GALNT13: variants seen among roughly 807,000 people sequenced by gnomAD.
The protein encoded by GALNT13 is polypeptide N-acetylgalactosaminyltransferase 13, also known as UDP-GalNAc:polypeptide N-acetylgalactosaminyltransferase 13.
GALNT13 carries 28 observed loss-of-function variants against 64.2 expected under a neutral mutation model. The ratio of observed to expected loss-of-function variants is 0.44; its 90% CI spans 0.32 to 0.60. The LOEUF is 0.60. GALNT13 is among the 20% of genes least tolerant of loss of function. The pLI is 0.05. For missense variants in GALNT13, 577 were observed against 669.8 expected (o/e 0.86, Z 1.53); for synonymous variants, 214 against 224.6 (o/e 0.95, Z 0.42).
At chr2:154,424,544 A>G (rs545315562) in intron 11 of GALNT13, among the ~76,000 whole-genome samples, 1 of 152,072 alleles carries the variant, frequency 6.6e-6, no homozygotes, top group Non-Finnish European at 1.5e-5. Flanking sequence ...TCTTTTAACC[A>G]AAAGAGGCTG....
At chr2:154,138,440 A>T (rs1452515446) in intron 3 of GALNT13, among the ~76,000 whole-genome samples, 2 of 152,072 alleles carry the variant, frequency 1.3e-5, no homozygotes, top group Non-Finnish European at 2.9e-5. Flanking sequence ...AATTATTTTT[A>T]AAAATGTACC....
At chr2:153,646,325 A>G in the GALNT13 span, among the ~76,000 whole-genome samples, 1 of 151,890 alleles carries the variant, frequency 6.6e-6, no homozygotes, top group African/African-American at 2.4e-5. Flanking sequence ...CTTTGAAGAC[A>G]TCTGTATCTG....
chr2:153,722,888 G>C, the GALNT13 span, among the ~76,000 whole-genome samples: 4 of 150,932 alleles, frequency 2.7e-5, no homozygotes, highest in Non-Finnish European at 4.4e-5. Context: ...AGGAGGAAAT[G>C]GTACCATTCC....
chr2:153,777,053 G>T, the GALNT13 span, among the ~76,000 whole-genome samples: 1 of 151,954 alleles, frequency 6.6e-6, no homozygotes, highest in South Asian at 2.1e-4. Context: ...TGTTTGTTTT[G>T]TTTTGTTTTA....
chr2:154,248,753 A>G (rs1689917815), intron 7 of GALNT13, among the ~76,000 whole-genome samples: 1 of 152,178 alleles, frequency 6.6e-6, no homozygotes, highest in Non-Finnish European at 1.5e-5. Context: ...TAGAAATGGC[A>G]TGAAAACTTT....
At chr2:153,511,579 G>T in the GALNT13 span, among the ~76,000 whole-genome samples, 1 of 152,214 alleles carries the variant, frequency 6.6e-6, no homozygotes, top group Non-Finnish European at 1.5e-5. Flanking sequence ...CTTGACCACA[G>T]GAGGTTAGTG....
At chr2:154,087,147 G>A (rs535432680) in intron 3 of GALNT13, among the ~76,000 whole-genome samples, 6 of 151,596 alleles carry the variant, frequency 4.0e-5, no homozygotes, top group East Asian at 1.9e-4. Flanking sequence ...ACAATGTTAC[G>A]TATAACATAT....
the GALNT13 span, among the ~76,000 whole-genome samples, chr2:153,865,464 G>GA: frequency 1.4e-5 from 2 of 141,742 alleles, no homozygotes; most frequent in Non-Finnish European, 3.1e-5. Context: ...AAATTTACAA[G>GA]AAAAAAACAA....
chr2:153,630,783 ATATATATATATATATATATATATATTTTT>A, the GALNT13 span, among the ~76,000 whole-genome samples: 1 of 9,476 alleles, frequency 1.1e-4, no homozygotes, highest in South Asian at 7.8e-3. Flanking sequence ...ATATATATAT[ATATATATATATATATATATATATATTTTT>A]TTTTTTTTTT....
chr2:153,803,586 G>GT, the GALNT13 span, among the ~76,000 whole-genome samples: 1 of 151,572 alleles, frequency 6.6e-6, no homozygotes, highest in Non-Finnish European at 1.5e-5. Context: ...CAGCTACTCG[G>GT]GAGGCTGAGG....
At chr2:154,417,929 C>G (rs191015961) in intron 11 of GALNT13, among the ~76,000 whole-genome samples, 1 of 152,052 alleles carries the variant, frequency 6.6e-6, no homozygotes, top group African/African-American at 2.4e-5. Flanking sequence ...TGAACTTAGA[C>G]TGCAGAATTT....
chr2:153,471,518 A>C, the GALNT13 span, among the ~76,000 whole-genome samples: 2 of 152,116 alleles, frequency 1.3e-5, no homozygotes, highest in Admixed American at 1.3e-4. Flanking sequence ...TGATCCTTTT[A>C]TTAAGCCCTC....
chr2:153,186,353 C>T, the GALNT13 span, among the ~76,000 whole-genome samples: 1 of 151,982 alleles, frequency 6.6e-6, no homozygotes. Flanking sequence ...GTGTCTTTAC[C>T]CATGAAATAG....
the GALNT13 span, among the ~76,000 whole-genome samples, chr2:153,575,548 C>A: frequency 6.6e-6 from 1 of 152,310 alleles, no homozygotes; most frequent in South Asian, 2.1e-4. Flanking sequence ...ACCTGGTATT[C>A]TATTGTAGTG....
At chr2:153,567,547 T>C in the GALNT13 span, among the ~76,000 whole-genome samples, 6 of 152,172 alleles carry the variant, frequency 3.9e-5, no homozygotes, top group Admixed American at 2.6e-4. Flanking sequence ...TCCAGAGAAA[T>C]AGGCTAACAG....
At chr2:153,904,191 A>G (rs1688413012) in intron 2 of GALNT13, among the ~76,000 whole-genome samples, 1 of 152,060 alleles carries the variant, frequency 6.6e-6, no homozygotes, top group East Asian at 1.9e-4. Context: ...TCCATTGTAT[A>G]GAAATACTAC....
In GALNT13 at chr2:154,418,025, A is replaced by T. The variant is rs574223975; in HGVS notation, c.1395+8943A>T. On this transcript the variant is annotated intron_variant, in intron 11 of 12. Transcript: ENST00000392825. Reference sequence around the variant, plus strand: ...GTCATTCAATTATGTATGTTTCATTATCCTATCTGCAAAAATAAATTGTAG... The same window carrying T: ...GTCATTCAATTATGTATGTTTCATTTTCCTATCTGCAAAAATAAATTGTAG... Among the ~76,000 whole-genome samples, 6 of 152,226 alleles carry T rather than the reference A, an allele frequency of 3.9e-5. No homozygotes were observed. The South Asian group carries it at 1.2e-3, about 32-fold the overall frequency.
At chr2:153,744,588 A>G in the GALNT13 span, among the ~76,000 whole-genome samples, 4 of 152,154 alleles carry the variant, frequency 2.6e-5, no homozygotes, top group Non-Finnish European at 4.4e-5. Context: ...CTCCGTCTCA[A>G]TGTCCAAGTG....
the GALNT13 span, among the ~76,000 whole-genome samples, chr2:153,202,215 A>T: frequency 6.6e-6 from 1 of 151,556 alleles, no homozygotes; most frequent in Non-Finnish European, 1.5e-5. Flanking sequence ...CGATCTCCTG[A>T]CCTCATGATC....
Sources: allele counts gnomAD v4.1 joint callset (sites outside exome capture counted in the v4.1 genomes callset), GRCh38; gene constraint gnomAD v4.1.1; transcripts MANE v1.5; gene names NCBI Gene and HGNC (gene_info 2026-07-23, HGNC 2026-07-21).